Variants in ORC5 observed in about 807,000 individuals in gnomAD.
The protein encoded by ORC5 is protein phosphatase 1, regulatory subunit 117.
A neutral mutation model predicts 58.8 loss-of-function variants in ORC5; 39 were observed. That is an observed-to-expected ratio of 0.66 (90% CI 0.51 to 0.87). ORC5 has a LOEUF of 0.87. Ranked by LOEUF, ORC5 falls within the 40% of genes least tolerant of loss-of-function variation. The pLI is 0.00. For synonymous variants in ORC5, 218 were observed against 177.6 expected, an observed-to-expected ratio of 1.23 and a Z score of -1.81; for missense variants, 493 against 506.3, an observed-to-expected ratio of 0.97 and a Z score of 0.25.
At chr7:104,139,239 T>C (rs1355789571) in intron 12 of ORC5, among the ~76,000 whole-genome samples, 1 of 152,206 alleles carries the variant, frequency 6.6e-6, no homozygotes, top group Non-Finnish European at 1.5e-5. Context: ...ATCCCATGAA[T>C]AATAAAAACA....
At chr7:104,185,494 T>C (rs1358277804) in intron 6 of ORC5, among the ~76,000 whole-genome samples, 5 of 152,182 alleles carry the variant, frequency 3.3e-5, no homozygotes, top group African/African-American at 1.2e-4. Context: ...AACATTCTCA[T>C]AAACTAAACA....
intron 11 of ORC5, among the ~76,000 whole-genome samples, chr7:104,163,987 A>C (rs770567404): frequency 2.6e-5 from 4 of 152,192 alleles, no homozygotes; most frequent in Non-Finnish European, 4.4e-5. Context: ...CTGTTGTTTT[A>C]ACTTTTTCTC....
intron 11 of ORC5, among the ~76,000 whole-genome samples, chr7:104,164,606 T>A (rs1451518848): frequency 6.6e-6 from 1 of 152,132 alleles, no homozygotes; most frequent in East Asian, 1.9e-4. Flanking sequence ...TTCAAAATTC[T>A]CCATCTTCTG....
intron 3 of ORC5, among the ~76,000 whole-genome samples, chr7:104,200,191 C>A (rs1366382343): frequency 1.3e-5 from 2 of 152,142 alleles, no homozygotes. Flanking sequence ...TCAGAGTAAC[C>A]AGGCATATTT....
chr7:104,163,963 T>C (rs1437245915), intron 11 of ORC5, among the ~76,000 whole-genome samples: 1 of 152,170 alleles, frequency 6.6e-6, no homozygotes, highest in African/African-American at 2.4e-5. Flanking sequence ...AAACCAAGAG[T>C]ATGAAATATC....
chr7:104,186,312 C>T (rs1007399819), intron 6 of ORC5, among the ~76,000 whole-genome samples: 6 of 151,918 alleles, frequency 3.9e-5, no homozygotes, highest in African/African-American at 1.2e-4. Context: ...TTTTTACACT[C>T]AGGTTCTGCG....
intron 8 of ORC5, among the ~76,000 whole-genome samples, chr7:104,174,621 T>C (rs1354760642): frequency 6.6e-6 from 1 of 152,162 alleles, no homozygotes; most frequent in Non-Finnish European, 1.5e-5. Flanking sequence ...ATTGTCACAC[T>C]GTATCGCTAA....
At chr7:104,150,756 T>G (rs1322009944) in intron 12 of ORC5, among the ~76,000 whole-genome samples, 1 of 152,194 alleles carries the variant, frequency 6.6e-6, no homozygotes. Context: ...ATGACTCTCA[T>G]GTTCATGGAT....
At chr7:104,197,870 C>T in intron 3 of ORC5, 71 bp from the exon 4 acceptor site, 2 of 932,788 alleles carry the variant, frequency 2.1e-6, no homozygotes, top group South Asian at 1.7e-5. Context: ...CATGATTTGA[C>T]TATGTCCCCC....
At chr7:104,165,130 A>G in intron 11 of ORC5, 105 bp downstream of exon 11, 1 of 628,438 alleles carries the variant, frequency 1.6e-6, no homozygotes, top group South Asian at 2.0e-5. Context: ...TATCAACACA[A>G]ATAAGTTCCT....
intron 11 of ORC5, among the ~76,000 whole-genome samples, chr7:104,163,475 G>A (rs773736560): frequency 1.3e-5 from 2 of 152,056 alleles, no homozygotes; most frequent in African/African-American, 2.4e-5. Flanking sequence ...CCATGGTTTG[G>A]GGGGTTTTGT....
In ORC5 at chr7:104,133,228, A is replaced by C. The variant is rs1303181631; in HGVS notation, c.1262+3553T>G. 6.6e-6 allele frequency among the ~76,000 whole-genome samples: 1 copy of C among 152,200 alleles called. No individual in the cohort carries two copies. Among genetic ancestry groups the C allele is most frequent in the Non-Finnish European group, 1.5e-5 (1 of 68,046 alleles). ...TACAGCATGGATAATAAATTATAAGAGGATAAGAGCAGACAGAAGATCAAT... is the reference window on the plus strand; with the variant it reads ...TACAGCATGGATAATAAATTATAAGCGGATAAGAGCAGACAGAAGATCAAT... On this transcript the variant is annotated intron_variant, in intron 13 of 13. Coordinates refer to ENST00000297431, the MANE Select transcript of ORC5 (RefSeq NM_002553.4). The surrounding 1 kb of genome is among the most constrained non-coding windows in gnomAD (Gnocchi z 4.7).
intron 12 of ORC5, among the ~76,000 whole-genome samples, chr7:104,158,774 T>C (rs1798972663): frequency 6.6e-6 from 1 of 151,386 alleles, no homozygotes. Context: ...AAAACCACAA[T>C]GAGATACCAT....
At chr7:104,194,980 T>TCTGAATGGCAATAATACTTTGATA in intron 5 of ORC5, among the ~76,000 whole-genome samples, 163 bp downstream of exon 5, 2 of 152,058 alleles carry the variant, frequency 1.3e-5, no homozygotes, top group African/African-American at 4.8e-5. Flanking sequence ...GATATTCCCA[T>TCTGAATGGCAATAATACTTTGATA]TTCAATATCA....
intron 12 of ORC5, among the ~76,000 whole-genome samples, chr7:104,150,911 C>T (rs570072961): frequency 1.3e-5 from 2 of 152,070 alleles, no homozygotes; most frequent in Non-Finnish European, 2.9e-5. Context: ...AATTATCTGA[C>T]TATAGAGAAG....
chr7:104,192,865 TAAA>T (rs35918809), intron 5 of ORC5, among the ~76,000 whole-genome samples: 1 of 137,608 alleles, frequency 7.3e-6, no homozygotes, highest in Non-Finnish European at 1.6e-5. Context: ...AGACACTTGT[TAAA>T]AAAAAAAAAA....
chr7:104,139,118 C>T (rs1450760284), intron 12 of ORC5, among the ~76,000 whole-genome samples: 1 of 152,082 alleles, frequency 6.6e-6, no homozygotes, highest in Non-Finnish European at 1.5e-5. Flanking sequence ...TGCTCAGTGG[C>T]AATATGAATA....
At chr7:104,127,028 T>C (rs888519338) in intron 13 of ORC5, 135 bp from the exon 14 acceptor site, 1 of 523,602 alleles carries the variant, frequency 1.9e-6, no homozygotes, top group Non-Finnish European at 3.4e-6. Context: ...TGCACCCTGA[T>C]AGGACTGACA....
intron 6 of ORC5, 131 bp from the exon 7 acceptor site, chr7:104,184,302 A>G (rs2115977698): frequency 3.1e-6 from 2 of 642,246 alleles, no homozygotes; most frequent in East Asian, 5.5e-5. Context: ...GTCAAATGTA[A>G]TTATACGCAG....
Sources: allele counts gnomAD v4.1 joint callset (sites outside exome capture counted in the v4.1 genomes callset), GRCh38; gene constraint gnomAD v4.1.1; non-coding constraint Gnocchi (gnomAD v3.1); transcripts MANE v1.5; gene names NCBI Gene and HGNC (gene_info 2026-07-23, HGNC 2026-07-21).